The following CDH7 variants were observed in gnomAD, a reference collection of about 807,000 sequenced individuals.
CDH7 encodes the protein cadherin-7.
In CDH7, 25 loss-of-function variants were observed where a neutral mutation model predicts 71.8. The ratio of observed to expected loss-of-function variants is 0.35; its 90% CI spans 0.25 to 0.49. The LOEUF is 0.49. Ranked by LOEUF, CDH7 falls within the 20% of genes least tolerant of loss-of-function variation. CDH7 has a pLI of 0.99. For missense variants in CDH7, 862 were observed against 974.6 expected (o/e 0.88, Z 1.54); for synonymous variants, 381 against 363.8 (o/e 1.05, Z -0.54).
At chr18:65,872,866 C>A (rs1327042418) in intron 11 of CDH7, among the ~76,000 whole-genome samples, 1 of 150,882 alleles carries the variant, frequency 6.6e-6, no homozygotes, top group Admixed American at 6.6e-5. Context: ...GCCTGGGTGA[C>A]AGAGTGAGAA....
chr18:65,765,106 A>C (rs1460884327), intron 2 of CDH7, among the ~76,000 whole-genome samples: 1 of 152,088 alleles, frequency 6.6e-6, no homozygotes, highest in Non-Finnish European at 1.5e-5. Context: ...TATCTTTTGC[A>C]TGCTGTACAT....
rs1914443838 is a variant in CDH7 at position 65,889,021 on chromosome 18, T to C, written c.*8127T>C. 1 of 152,158 alleles carries C rather than the reference T, an allele frequency of 6.6e-6. No individual in the cohort carries two copies. Among genetic ancestry groups the C allele is most frequent in the Admixed American group, 6.5e-5 (1 of 15,272 alleles). 9.4% of individuals were successfully genotyped at this position (152,158 alleles called of 1,614,324 possible). A position where few individuals can be genotyped will look rare whatever the true frequency, so the allele number is the denominator to read the frequency against. The stretch of plus-strand genomic sequence containing the variant: ...AATCAGGAAGTGACATTAAATTCTG[T>C]TTCAATGTAATGAGAAAATAGAAAT... On this transcript the variant is annotated 3_prime_UTR_variant, in exon 12 of 12. Coordinates refer to ENST00000397968, the MANE Select transcript of CDH7 (RefSeq NM_004361.5).
chr18:65,802,727 T>C (rs1328190486), intron 2 of CDH7, among the ~76,000 whole-genome samples: 1 of 152,200 alleles, frequency 6.6e-6, no homozygotes, highest in Non-Finnish European at 1.5e-5. Context: ...AATTCGACTG[T>C]AGGCAGATTT....
chr18:65,883,475 T>G lies in CDH7; in HGVS notation c.*2581T>G, dbSNP rs1914288872. 1 of 152,010 alleles carries G rather than the reference T, an allele frequency of 6.6e-6. No individual in the cohort carries two copies. Among genetic ancestry groups the G allele is most frequent in the Non-Finnish European group, 1.5e-5 (1 of 67,920 alleles). 9.4% of individuals were successfully genotyped at this position (152,010 alleles called of 1,614,324 possible). On this transcript the variant is annotated 3_prime_UTR_variant, in exon 12 of 12. Coordinates refer to ENST00000397968, the MANE Select transcript of CDH7 (RefSeq NM_004361.5). ...GCTGATTGATAAAATTAATATTAAG[T>G]CTAGTTGGAAAATTCTCCAAATATG... is the stretch of plus-strand genomic sequence containing the variant.
At chr18:65,778,957 C>G (rs947568721) in intron 2 of CDH7, among the ~76,000 whole-genome samples, 1 of 151,914 alleles carries the variant, frequency 6.6e-6, no homozygotes, top group Non-Finnish European at 1.5e-5. Context: ...CCATGCCTGT[C>G]CTTTGCAGGA....
intron 7 of CDH7, among the ~76,000 whole-genome samples, chr18:65,845,812 A>T (rs1400694095): frequency 6.6e-6 from 1 of 152,040 alleles, no homozygotes; most frequent in African/African-American, 2.4e-5. Flanking sequence ...AGTTCTAGCA[A>T]CTTGGGAGGC....
chr18:65,810,709 C>T (rs1911503353), intron 3 of CDH7, among the ~76,000 whole-genome samples: 1 of 152,166 alleles, frequency 6.6e-6, no homozygotes, highest in South Asian at 2.1e-4. Context: ...CTCCTACCCC[C>T]AACCCTCCAA....
At chr18:65,790,220 C>CAAAAAAAAA (rs10552878) in intron 2 of CDH7, among the ~76,000 whole-genome samples, 22 of 66,512 alleles carry the variant, frequency 3.3e-4, no homozygotes, top group Non-Finnish European at 6.5e-4. Flanking sequence ...GACTCTCTCT[C>CAAAAAAAAA]AAAAAAAAAA....
chr18:65,781,980 CTCTCTCTT>C lies in CDH7; in HGVS notation c.210+18960_210+18967del, dbSNP rs1289756656. Among the ~76,000 whole-genome samples the C allele has an allele frequency of 8.6e-3, 612 of 70,916 alleles. 41 individuals carry two copies. Among genetic ancestry groups the C allele is most frequent in the Non-Finnish European group, 0.012 (489 of 39,924 alleles). The allele number at this position is 70,916 out of a possible 152,430, so 46.5% of individuals were successfully genotyped here. A position where few individuals can be genotyped will look rare whatever the true frequency, so the allele number is the denominator to read the frequency against. On this transcript the variant is annotated intron_variant, in intron 2 of 11. Coordinates refer to ENST00000397968, the MANE Select transcript of CDH7 (RefSeq NM_004361.5). ...TCTCTCTTTCTCTCTCTCTCTCTCTCTCTCTCTTTCTCTCTTTCTCTCTTTCTCTCTTT... is the reference window on the plus strand; with the variant it reads ...TCTCTCTTTCTCTCTCTCTCTCTCTCTCTCTCTTTCTCTCTTTCTCTCTTT...
chr18:65,877,829 A>T (rs79339098), intron 11 of CDH7, among the ~76,000 whole-genome samples: 13,819 of 152,248 alleles, frequency 0.091, 1,055 homozygotes, highest in African/African-American at 0.2. Context: ...TGAATATAAA[A>T]TAATTGTTTA....
At position 65,784,499 on chromosome 18, in the gene CDH7, A is replaced by G. The variant is rs554250739; in HGVS notation, c.210+21447A>G. Among the ~76,000 whole-genome samples the G allele has an allele frequency of 3.3e-5, 5 of 152,206 alleles. No homozygotes were observed. In the South Asian group the frequency reaches 1.0e-3, roughly 32 times the overall value. ...AATCAGCTTCTCACAAAGTTGGTGA[A>G]TTATCTGACCCACCATATAATTCCA... On this transcript the variant is annotated intron_variant, in intron 2 of 11. Coordinates refer to ENST00000397968, the MANE Select transcript of CDH7 (RefSeq NM_004361.5).
At chr18:65,769,825 T>C (rs963760022) in intron 2 of CDH7, among the ~76,000 whole-genome samples, 1 of 152,142 alleles carries the variant, frequency 6.6e-6, no homozygotes, top group African/African-American at 2.4e-5. Flanking sequence ...AAGACAGAAG[T>C]GATGCTTTTC....
At chr18:65,789,616 G>C (rs1910639563) in intron 2 of CDH7, among the ~76,000 whole-genome samples, 1 of 152,078 alleles carries the variant, frequency 6.6e-6, no homozygotes, top group Non-Finnish European at 1.5e-5. Flanking sequence ...AAGTCGGTGA[G>C]AGTTTATTCC....
intron 7 of CDH7, among the ~76,000 whole-genome samples, chr18:65,853,936 T>TCC (rs1262544966): frequency 9.2e-6 from 1 of 108,568 alleles, no homozygotes; most frequent in African/African-American, 3.5e-5. Context: ...TATATATATA[T>TCC]ATATATATAT....
intron 7 of CDH7, among the ~76,000 whole-genome samples, chr18:65,845,186 T>A (rs1912893107): frequency 6.6e-6 from 1 of 151,610 alleles, no homozygotes; most frequent in Non-Finnish European, 1.5e-5. Flanking sequence ...TATACATACA[T>A]ATATGTATAT....
chr18:65,825,994 A>G (rs1490080345), intron 6 of CDH7, among the ~76,000 whole-genome samples: 1 of 151,756 alleles, frequency 6.6e-6, no homozygotes, highest in Non-Finnish European at 1.5e-5. Flanking sequence ...GAAAGTTTTT[A>G]TTGAACAAAT....
At chr18:65,767,751 T>C (rs1280271340) in intron 2 of CDH7, among the ~76,000 whole-genome samples, 1 of 152,214 alleles carries the variant, frequency 6.6e-6, no homozygotes, top group African/African-American at 2.4e-5. Flanking sequence ...ATCAGCTCTA[T>C]CAGATGCAAA....
At chr18:65,806,154 CTT>C (rs1446338660) in intron 2 of CDH7, among the ~76,000 whole-genome samples, 4 of 151,834 alleles carry the variant, frequency 2.6e-5, no homozygotes, top group Non-Finnish European at 5.9e-5. Flanking sequence ...ATTGATATTT[CTT>C]ACATATTAAT....
At chr18:65,862,149 G>T (rs897219792) in intron 10 of CDH7, among the ~76,000 whole-genome samples, 1 of 151,800 alleles carries the variant, frequency 6.6e-6, no homozygotes, top group African/African-American at 2.4e-5. Context: ...AAAATTTTAC[G>T]ATAAAATTCT....
Sources: gnomAD v4.1 joint callset for allele counts (sites outside exome capture counted in the v4.1 genomes callset) on GRCh38, gnomAD v4.1.1 for gene constraint, MANE v1.5 for transcripts, NCBI Gene and HGNC (gene_info 2026-07-23, HGNC 2026-07-21) for gene names.